The following ANGEL2 variants were observed in gnomAD, a reference collection of about 807,000 sequenced individuals.
ANGEL2 encodes the protein RNA 2',3'-cyclic phosphatase ANGEL2.
Under a neutral mutation model 66.0 loss-of-function variants are expected in ANGEL2, and 41 were observed. That is an observed-to-expected ratio of 0.62 (90% CI 0.48 to 0.81). The LOEUF is 0.81. ANGEL2 is among the 30% of genes least tolerant of loss of function. The pLI, the probability that ANGEL2 is intolerant of heterozygous loss-of-function variation, is 0.00. For synonymous variants in ANGEL2, 208 were observed against 226.5 expected, an observed-to-expected ratio of 0.92 and a Z score of 0.73; for missense variants, 561 against 641.6, an observed-to-expected ratio of 0.87 and a Z score of 1.36.
Position 213,008,171 on chromosome 1 carries a change from T to C in ANGEL2, c.642+39A>G, listed in dbSNP as rs745673180. The C allele has an allele frequency of 1.9e-6, 3 of 1,594,534 alleles. No individual in the cohort carries two copies. The South Asian group carries it at 3.4e-5, about 18-fold the overall frequency. On this transcript the variant is annotated intron_variant, in intron 3 of 8. Coordinates refer to ENST00000366962, the MANE Select transcript of ANGEL2 (RefSeq NM_144567.5). ...GAGCCAGTGTGCCCGGCCCCAACTT[T>C]TTCTTATGTGAAGAATTTCAATAAT...
intron 8 of ANGEL2, among the ~76,000 whole-genome samples, chr1:212,996,647 A>T (rs924439843): frequency 2.3e-5 from 2 of 88,112 alleles, no homozygotes; most frequent in African/African-American, 6.8e-5. Context: ...AAAAATATAT[A>T]TATATATATA....
chr1:212,993,867 A>G lies in ANGEL2; in HGVS notation c.*1174T>C, dbSNP rs1330962528. On this transcript the variant is annotated 3_prime_UTR_variant, in exon 9 of 9. Transcript: ENST00000366962. ...CTTCCTCATATTTCTGAGGCTTAAC[A>G]AAAATAATTTTATAGCTGCCACTTT... is the stretch of plus-strand genomic sequence containing the variant. 2 of 152,250 alleles carry G rather than the reference A, an allele frequency of 1.3e-5. No individual in the cohort carries two copies. The highest frequency in any genetic ancestry group is 4.8e-5 in the African/African-American group (2 of 41,472). The allele number at this position is 152,250 out of a possible 1,614,324, so 9.4% of individuals were successfully genotyped here. A position where few individuals can be genotyped will look rare whatever the true frequency, so the allele number is the denominator to read the frequency against.
At chr1:213,014,286 A>T (rs2076581103) in intron 1 of ANGEL2, among the ~76,000 whole-genome samples, 1 of 152,210 alleles carries the variant, frequency 6.6e-6, no homozygotes, top group Non-Finnish European at 1.5e-5. Flanking sequence ...TAACAGCTAC[A>T]TTTCTACCAC....
chr1:212,997,600 A>AT (rs1298514777), intron 7 of ANGEL2, among the ~76,000 whole-genome samples: 2 of 152,212 alleles, frequency 1.3e-5, no homozygotes, highest in Non-Finnish European at 2.9e-5. Context: ...TCCACTTACT[A>AT]AAGAACATGT....
Position 213,013,302 on chromosome 1 carries a change from C to T in ANGEL2, c.176G>A (p.Gly59Glu). 1.2e-6 allele frequency: 2 copies of T among 1,614,140 alleles called. No homozygotes were observed. Among genetic ancestry groups the T allele is most frequent in the Non-Finnish European group, 1.7e-6 (2 of 1,180,024 alleles). ...RHISSCMRWP[G>E]HYSRAPYPYF... is the part of the protein sequence containing the mutation. ...TGGGTAAGGAGCTCGAGAGTAATGT[C>T]CAGGCCACCTCATACAACTAGAAAT... Residue 59 changes from glycine (G) to glutamate (E), a missense_variant, in exon 2 of 9, where the codon GGA (glycine) becomes GAA (glutamate). Coordinates refer to ENST00000366962, the MANE Select transcript of ANGEL2 (RefSeq NM_144567.5).
rs1197621025 is a variant in ANGEL2 at position 212,992,353 on chromosome 1, T to A, written c.*2688A>T. 3 of 152,228 alleles carry A rather than the reference T, an allele frequency of 2.0e-5. No individual in the cohort carries two copies. Among genetic ancestry groups the A allele is most frequent in the Non-Finnish European group, 4.4e-5 (3 of 68,038 alleles). The allele number at this position is 152,228 out of a possible 1,614,324, so 9.4% of individuals were successfully genotyped here. A position where few individuals can be genotyped will look rare whatever the true frequency, so the allele number is the denominator to read the frequency against. ...ATAAAGACAAGATTTCAAACATGAA[T>A]ATTATCTTGATAGCAAAAGGTACAG... On this transcript the variant is annotated 3_prime_UTR_variant, in exon 9 of 9. Coordinates refer to ENST00000366962, the MANE Select transcript of ANGEL2 (RefSeq NM_144567.5).
At chr1:213,011,458 C>G in intron 2 of ANGEL2, 1 of 1,116,692 alleles carries the variant, frequency 9.0e-7, no homozygotes, top group Non-Finnish European at 1.1e-6. Context: ...ATTCACAACA[C>G]CTAGGAAGAA....
chr1:213,013,197 T>A lies in ANGEL2; in HGVS notation c.281A>T (p.Asn94Ile). The A allele has an allele frequency of 6.2e-7, 1 of 1,614,174 alleles. No individual in the cohort carries two copies. The highest frequency in any genetic ancestry group is 1.3e-5 in the African/African-American group (1 of 75,050). ...CTGGCTCAGGTTGTCAGGTCTCCAG[T>A]TACAGTACTGGAACTGAGTTCTAGA... is the stretch of plus-strand genomic sequence containing the variant. ...FESRTQFQYCNWRPDNLSQTS... is the reference protein window; with the variant it reads ...FESRTQFQYCIWRPDNLSQTS... Residue 94 changes from asparagine (N) to isoleucine (I), a missense_variant, in exon 2 of 9, where the codon AAC (asparagine) becomes ATC (isoleucine). Coordinates refer to ENST00000366962, the MANE Select transcript of ANGEL2 (RefSeq NM_144567.5).
chr1:213,001,523 C>A (rs1459524998), intron 5 of ANGEL2: 1 of 152,270 alleles, frequency 6.6e-6, no homozygotes, highest in African/African-American at 2.4e-5. Context: ...GCTGGCTGAT[C>A]AGGGTGATGG....
chr1:213,000,520 A>C, intron 6 of ANGEL2, 137 bp from the exon 7 acceptor site: 1 of 826,698 alleles, frequency 1.2e-6, no homozygotes, highest in Non-Finnish European at 1.8e-6. Context: ...TGGAATCTAT[A>C]TATTTCGATG....
rs1040001567 is a variant in ANGEL2 at position 212,994,352 on chromosome 1, G to A, written c.*689C>T. ...AAACAAAGGTATATCCCCAGTCTCTGCCTCTATTAAGCCCACCTCTTGTCT... is the reference window on the plus strand; with the variant it reads ...AAACAAAGGTATATCCCCAGTCTCTACCTCTATTAAGCCCACCTCTTGTCT... On this transcript the variant is annotated 3_prime_UTR_variant, in exon 9 of 9. Transcript: ENST00000366962. 6.6e-6 allele frequency: 1 copy of A among 152,120 alleles called. No individual in the cohort carries two copies. Among genetic ancestry groups the A allele is most frequent in the Admixed American group, 6.6e-5 (1 of 15,264 alleles). 9.4% of individuals were successfully genotyped at this position (152,120 alleles called of 1,614,324 possible).
rs372149290 is a variant in ANGEL2, at chr1:213,015,688, C to T, written c.-17G>A. On this transcript the variant is annotated 5_prime_UTR_variant, in exon 1 of 9. Transcript: ENST00000366962. ...GGCTTCCATCTTCGCCCTCCGCGTG[C>T]GTCCAGTTCCCAGGCCCCGGGTTCC... 2.5e-6 allele frequency: 4 copies of T among 1,614,158 alleles called. No homozygotes were observed. The South Asian group carries it at 4.4e-5, about 18-fold the overall frequency.
chr1:213,010,912 G>C (rs951044909), intron 2 of ANGEL2, among the ~76,000 whole-genome samples: 1 of 152,036 alleles, frequency 6.6e-6, no homozygotes, highest in Non-Finnish European at 1.5e-5. Flanking sequence ...AAACAACCAG[G>C]ACCATTAGTT....
In ANGEL2 at chr1:213,005,161, C is replaced by T. The variant is rs1375278564; in HGVS notation, c.1006G>A (p.Ala336Thr). Residue 336 changes from alanine (A) to threonine (T), a missense_variant, in exon 5 of 9, where the codon GCC (alanine) becomes ACC (threonine). Ala to Thr is a moderately conservative substitution (Grantham distance 58). Coordinates refer to ENST00000366962, the MANE Select transcript of ANGEL2 (RefSeq NM_144567.5). ...AMLLAEISSV[A>T]HQKDGSFCPI... ...CAGAAGCTGCCATCTTTCTGGTGGG[C>T]AACACTGGAAATCTCTGCCAGTAGC... 1 of 1,614,060 alleles carries T rather than the reference C, an allele frequency of 6.2e-7. No individual in the cohort carries two copies. The highest frequency in any genetic ancestry group is 8.5e-7 in the Non-Finnish European group (1 of 1,180,042).
chr1:213,013,620 T>C (rs1330225034), intron 1 of ANGEL2, among the ~76,000 whole-genome samples: 1 of 152,192 alleles, frequency 6.6e-6, no homozygotes, highest in African/African-American at 2.4e-5. Context: ...AAACCATGAA[T>C]GGTATTCTGA....
rs2076308281 is a variant in ANGEL2, at chr1:213,005,757, C to T, written c.713-303G>A. On this transcript the variant is annotated intron_variant, in intron 4 of 8. Transcript: ENST00000366962. ...AATCTATTCTCTCACTCTCTCCACCCTATATTCCTGATCTTTTTGCCTGTA... is the reference window on the plus strand; with the variant it reads ...AATCTATTCTCTCACTCTCTCCACCTTATATTCCTGATCTTTTTGCCTGTA... Among the ~76,000 whole-genome samples the T allele has an allele frequency of 2.0e-5, 3 of 152,168 alleles. No individual in the cohort carries two copies. The South Asian group carries it at 6.2e-4, about 32-fold the overall frequency.
Position 212,995,067 on chromosome 1 carries a change from A to G in ANGEL2, c.1609T>C (p.Leu537=), listed in dbSNP as rs2075958253. 6.2e-7 allele frequency: 1 copy of G among 1,610,550 alleles called. No homozygotes were observed. Among genetic ancestry groups the G allele is most frequent in the African/African-American group, 1.3e-5 (1 of 74,856 alleles). ...ENNSSDHLPL[L]AKFRLEL ...CAGAGCTCAAGTCTGAACTTTGCCA[A>G]TAAAGGCAGATGATCTGAAGAGTTA... Residue 537 remains leucine, a synonymous_variant, in exon 9 of 9, where the codon TTG becomes CTG. Coordinates refer to ENST00000366962, the MANE Select transcript of ANGEL2 (RefSeq NM_144567.5).
intron 2 of ANGEL2, among the ~76,000 whole-genome samples, chr1:213,011,755 T>G (rs967647091): frequency 2.0e-5 from 3 of 152,198 alleles, no homozygotes; most frequent in Non-Finnish European, 4.4e-5. Flanking sequence ...AATCAATGCT[T>G]ATGTAGCTAT....
At chr1:213,006,077 C>CA (rs1211260711) in intron 4 of ANGEL2, among the ~76,000 whole-genome samples, 12 of 152,170 alleles carry the variant, frequency 7.9e-5, no homozygotes, top group Non-Finnish European at 1.5e-4. Flanking sequence ...ACACTCCACA[C>CA]AAGGGAGAAA....
Sources: gnomAD v4.1 joint callset for allele counts (sites outside exome capture counted in the v4.1 genomes callset) on GRCh38, gnomAD v4.1.1 for gene constraint, MANE v1.5 for transcripts, NCBI Gene and HGNC (gene_info 2026-07-23, HGNC 2026-07-21) for gene names.